Variants in RGS5 observed in about 807,000 individuals in gnomAD.
The protein encoded by RGS5 is regulator of G-protein signalling 5.
Under a neutral mutation model 18.9 loss-of-function variants are expected in RGS5, and 20 were observed. The observed-to-expected ratio is 1.06, with a 90% CI of 0.74 to 1.54. The LOEUF is 1.54. RGS5 is among the 40% of genes most tolerant of loss of function. RGS5 has a pLI of 0.00. For synonymous variants in RGS5, 57 were observed against 76.2 expected (o/e 0.75, Z 1.31); for missense variants, 201 against 211.8 (o/e 0.95, Z 0.32).
intron 1 of RGS5, among the ~76,000 whole-genome samples, chr1:163,197,660 TC>T (rs1659618832): frequency 6.6e-6 from 1 of 152,124 alleles, no homozygotes. Flanking sequence ...TTCTTAGTGA[TC>T]CCCCTCCAAA....
upstream of RGS5, among the ~76,000 whole-genome samples, chr1:163,205,280 T>C (rs567753976): frequency 3.4e-5 from 5 of 145,080 alleles, no homozygotes; most frequent in South Asian, 4.3e-4. Context: ...TAGTTAGCTA[T>C]ACTGTACCGT....
At chr1:163,149,816 C>A (rs1657302124) in intron 4 of RGS5, among the ~76,000 whole-genome samples, 1 of 152,032 alleles carries the variant, frequency 6.6e-6, no homozygotes, top group Admixed American at 6.6e-5. Context: ...AGGTCAATTT[C>A]ATCAAAATTA....
chr1:163,191,983 G>C (rs558774431), intron 1 of RGS5, among the ~76,000 whole-genome samples: 1 of 152,260 alleles, frequency 6.6e-6, no homozygotes, highest in African/African-American at 2.4e-5. Context: ...AATGCATCAA[G>C]GGGCTAGGAG....
chr1:163,304,761 T>C (rs1486624398), intron 2 of RGS5: 1 of 152,218 alleles, frequency 6.6e-6, no homozygotes, highest in Non-Finnish European at 1.5e-5. Context: ...GATCCCTAGA[T>C]GTTTAATAGT....
chr1:163,309,621 C>G (rs1243622363), intron 1 of RGS5, among the ~76,000 whole-genome samples: 1 of 152,142 alleles, frequency 6.6e-6, no homozygotes, highest in African/African-American at 2.4e-5. Flanking sequence ...CTATTTCCAT[C>G]ACATCTTCAG....
chr1:163,217,471 C>A, intron 1 of RGS5: 1 of 1,467,694 alleles, frequency 6.8e-7, no homozygotes, highest in Non-Finnish European at 9.0e-7. Context: ...ACAGTCTTTC[C>A]TGTAAATTAT....
chr1:163,195,239 A>G (rs2662776), intron 1 of RGS5, among the ~76,000 whole-genome samples: 83,510 of 152,110 alleles, frequency 0.55, 23,739 homozygotes, highest in African/African-American at 0.7. Flanking sequence ...TACATATACC[A>G]TGTTGTATAT....
intron 2 of RGS5, among the ~76,000 whole-genome samples, chr1:163,232,116 G>T (rs1019361778): frequency 8.5e-5 from 13 of 152,110 alleles, no homozygotes; most frequent in African/African-American, 3.1e-4. Flanking sequence ...AAAGATGGCG[G>T]GGGTGGGGAA....
chr1:163,298,230 G>A lies in RGS5; in HGVS notation c.-281+8003C>T, dbSNP rs1649471091. ...GGAGTGATAGAGAAGACATATGCAT[G>A]TATACAAATAAAGATAACTAATCAT... is the stretch of plus-strand genomic sequence containing the variant. On this transcript the variant is annotated intron_variant, in intron 2 of 5. Transcript: ENST00000618415. 2.0e-5 allele frequency among the ~76,000 whole-genome samples: 3 copies of A among 152,020 alleles called. 1 individual carries two copies. Among genetic ancestry groups the A allele is most frequent in the Admixed American group, 2.0e-4 (3 of 15,238 alleles).
At chr1:163,276,953 T>C (rs1452125039) in intron 2 of RGS5, among the ~76,000 whole-genome samples, 1 of 152,186 alleles carries the variant, frequency 6.6e-6, no homozygotes, top group Non-Finnish European at 1.5e-5. Context: ...ACATGCTTCA[T>C]TATATCCTCC....
chr1:163,225,335 C>G (rs1266466288), intron 2 of RGS5, among the ~76,000 whole-genome samples: 3 of 152,142 alleles, frequency 2.0e-5, no homozygotes, highest in Non-Finnish European at 4.4e-5. Flanking sequence ...CCAGATTTAC[C>G]CATCCTCATG....
At chr1:163,292,728 G>A (rs1649321251) in intron 2 of RGS5, among the ~76,000 whole-genome samples, 1 of 152,150 alleles carries the variant, frequency 6.6e-6, no homozygotes, top group Admixed American at 6.5e-5. Flanking sequence ...GTGTGAGATG[G>A]TATCTCAATG....
chr1:163,221,334 C>T (rs956255166), upstream of RGS5, among the ~76,000 whole-genome samples: 1 of 152,066 alleles, frequency 6.6e-6, no homozygotes, highest in Non-Finnish European at 1.5e-5. Context: ...TCCATCTCTA[C>T]TACAATATAA....
upstream of RGS5, among the ~76,000 whole-genome samples, chr1:163,205,345 T>TTA: frequency 1.4e-5 from 1 of 72,722 alleles, no homozygotes; most frequent in African/African-American, 5.4e-5. Flanking sequence ...TTAACCACAG[T>TTA]AAAAAAAAAA....
At position 163,143,896 on chromosome 1, in the gene RGS5, A is replaced by G. The variant is rs1657019907; in HGVS notation, c.*3446T>C. Reference sequence around the variant, plus strand: ...TTTTTATTGAAACTTTTGCATGTCTATTACTCTTTGGAAAATAATTAACAG... The same window carrying G: ...TTTTTATTGAAACTTTTGCATGTCTGTTACTCTTTGGAAAATAATTAACAG... On this transcript the variant is annotated 3_prime_UTR_variant, in exon 5 of 5. Coordinates refer to ENST00000313961, the MANE Select transcript of RGS5 (RefSeq NM_003617.4). 1 of 152,152 alleles carries G rather than the reference A, an allele frequency of 6.6e-6. No homozygotes were observed. The highest frequency in any genetic ancestry group is 2.4e-5 in the African/African-American group (1 of 41,444). The allele number at this position is 152,152 out of a possible 1,614,324, so 9.4% of individuals were successfully genotyped here. A position where few individuals can be genotyped will look rare whatever the true frequency, so the allele number is the denominator to read the frequency against.
intron 1 of RGS5, among the ~76,000 whole-genome samples, chr1:163,186,578 CAAAA>C (rs34092786): frequency 2.1e-5 from 2 of 95,948 alleles, no homozygotes; most frequent in Non-Finnish European, 4.0e-5. Flanking sequence ...GACTCTGTCT[CAAAA>C]AAAAAAAAAA....
rs1207764821 is a variant in RGS5 at position 163,202,867 on chromosome 1, G to C, written c.-32C>G. 2.5e-6 allele frequency: 4 copies of C among 1,609,336 alleles called. No individual in the cohort carries two copies. The highest frequency in any genetic ancestry group is 3.4e-6 in the Non-Finnish European group (4 of 1,176,398). On this transcript the variant is annotated 5_prime_UTR_variant, in exon 1 of 5. Coordinates refer to ENST00000313961, the MANE Select transcript of RGS5 (RefSeq NM_003617.4). ...AGGTGGCTTAGCTCCTCCGCTTTAAGTACAACTTCTTAACAGCAGAGCCAG... is the reference window on the plus strand; with the variant it reads ...AGGTGGCTTAGCTCCTCCGCTTTAACTACAACTTCTTAACAGCAGAGCCAG...
chr1:163,204,636 T>C (rs2815271), upstream of RGS5, among the ~76,000 whole-genome samples: 33,071 of 152,110 alleles, frequency 0.22, 4,120 homozygotes, highest in African/African-American at 0.34. Flanking sequence ...GTCAGGCACA[T>C]AGACATCTGT....
chr1:163,147,380 A>G lies in RGS5; in HGVS notation c.508T>C (p.Phe170Leu). ...ALMEKDSLPRFVRSEFYQELI... is the reference protein window; with the variant it reads ...ALMEKDSLPRLVRSEFYQELI... ...TCCTGATAAAACTCAGAGCGCACAA[A>G]GCGAGGCAGAGAATCCTTTTCCATC... is the stretch of plus-strand genomic sequence containing the variant. Residue 170 changes from phenylalanine (F) to leucine (L), a missense_variant, in exon 5 of 5, where the codon TTT (phenylalanine) becomes CTT (leucine). Phe to Leu is a conservative substitution (Grantham distance 22, BLOSUM62 0). Transcript: ENST00000313961. 1 of 1,611,498 alleles carries G rather than the reference A, an allele frequency of 6.2e-7. No individual in the cohort carries two copies. The highest frequency in any genetic ancestry group is 8.5e-7 in the Non-Finnish European group (1 of 1,178,918).
Sources: gnomAD v4.1 joint callset for allele counts (sites outside exome capture counted in the v4.1 genomes callset) on GRCh38, gnomAD v4.1.1 for gene constraint, MANE v1.5 for transcripts, NCBI Gene and HGNC (gene_info 2026-07-23, HGNC 2026-07-21) for gene names.